Variants in TMEM108 observed in about 807,000 individuals in gnomAD.
TMEM108 encodes transmembrane protein 108.
In TMEM108, 12 loss-of-function variants were observed where a neutral mutation model predicts 35.1. The observed-to-expected ratio is 0.34, with a 90% CI of 0.22 to 0.55. TMEM108 has a LOEUF of 0.55. Ranked by LOEUF, TMEM108 falls within the 20% of genes least tolerant of loss-of-function variation. The pLI is 0.89. For missense variants in TMEM108, 680 were observed against 753.3 expected, an observed-to-expected ratio of 0.90 and a Z score of 1.14; for synonymous variants, 287 against 308.6, an observed-to-expected ratio of 0.93 and a Z score of 0.73.
At chr3:133,107,563 G>T (rs1451689403) in intron 2 of TMEM108, among the ~76,000 whole-genome samples, 1 of 151,794 alleles carries the variant, frequency 6.6e-6, no homozygotes, top group East Asian at 1.9e-4. Context: ...GAAAAATTCT[G>T]ATCTTGAGCC....
At chr3:133,253,048 G>A (rs1946493982) in intron 3 of TMEM108, among the ~76,000 whole-genome samples, 1 of 152,186 alleles carries the variant, frequency 6.6e-6, no homozygotes, top group African/African-American at 2.4e-5. Context: ...ACAAGAGGAT[G>A]TGTGTAGGTT....
At chr3:133,099,133 C>G (rs550630576) in intron 2 of TMEM108, among the ~76,000 whole-genome samples, 1 of 152,228 alleles carries the variant, frequency 6.6e-6, no homozygotes, top group South Asian at 2.1e-4. Flanking sequence ...CAGAGGTTCC[C>G]AAACCTTAAT....
chr3:133,298,697 G>A (rs1049029513), intron 3 of TMEM108, among the ~76,000 whole-genome samples: 1 of 152,046 alleles, frequency 6.6e-6, no homozygotes, highest in African/African-American at 2.4e-5. Flanking sequence ...CATGTTACAG[G>A]TGAGGAAACC....
At chr3:133,325,718 A>AT (rs1441700725) in intron 3 of TMEM108, among the ~76,000 whole-genome samples, 3 of 149,944 alleles carry the variant, frequency 2.0e-5, no homozygotes, top group Non-Finnish European at 4.4e-5. Flanking sequence ...AATAAAAATA[A>AT]TATATATAAA....
intron 3 of TMEM108, chr3:133,378,616 C>T: frequency 1.1e-6 from 1 of 893,642 alleles, no homozygotes; most frequent in Non-Finnish European, 1.3e-6. Context: ...CAGGCTCTTC[C>T]CAACCCATGT....
At chr3:133,241,016 A>G (rs372008645) in intron 3 of TMEM108, among the ~76,000 whole-genome samples, 1 of 152,232 alleles carries the variant, frequency 6.6e-6, no homozygotes, top group Non-Finnish European at 1.5e-5. Context: ...ATTAATACAC[A>G]TAAACCTCAT....
Position 133,281,864 on chromosome 3 carries a change from T to C in TMEM108, c.40+52513T>C, listed in dbSNP as rs547713722. On this transcript the variant is annotated intron_variant, in intron 3 of 5. Coordinates refer to ENST00000321871, the MANE Select transcript of TMEM108 (RefSeq NM_023943.4). ...GCACATGATGGCTTATCCCAAAAGA[T>C]AGACAAGGACAGGCTGGGCTTGGTG... Among the ~76,000 whole-genome samples the C allele has an allele frequency of 4.4e-4, 67 of 152,220 alleles. 1 individual carries two copies. The highest frequency in any genetic ancestry group is 3.4e-3 in the Middle Eastern group (1 of 294).
At position 133,237,046 on chromosome 3, in the gene TMEM108, A is replaced by G. The variant is rs1225910848; in HGVS notation, c.40+7695A>G. ...GTGATTTGGTATTGTTTTAAACAGCATTGAGTACAGTAGTTTAAAGAGGTA... is the reference window on the plus strand; with the variant it reads ...GTGATTTGGTATTGTTTTAAACAGCGTTGAGTACAGTAGTTTAAAGAGGTA... On this transcript the variant is annotated intron_variant, in intron 3 of 5. Coordinates refer to ENST00000321871, the MANE Select transcript of TMEM108 (RefSeq NM_023943.4). Among the ~76,000 whole-genome samples, 3 of 152,138 alleles carry G rather than the reference A, an allele frequency of 2.0e-5. No homozygotes were observed. In the East Asian group the frequency reaches 5.8e-4, roughly 29 times the overall value.
Position 133,193,095 on chromosome 3 carries a change from T to C in TMEM108, c.-46-36171T>C, listed in dbSNP as rs557888109. Among the ~76,000 whole-genome samples, 7 of 152,282 alleles carry C rather than the reference T, an allele frequency of 4.6e-5. 1 individual carries two copies. The Middle Eastern group carries it at 0.014, about 296-fold the overall frequency. On this transcript the variant is annotated intron_variant, in intron 2 of 5. Coordinates refer to ENST00000321871, the MANE Select transcript of TMEM108 (RefSeq NM_023943.4). The stretch of plus-strand genomic sequence containing the variant: ...AAGGCTCTAGAAAGAATTTGAGCAT[T>C]GCTTTACAAAGCAACATTTCCTTTT...
At chr3:133,191,216 TAGAG>T (rs1440729750) in intron 2 of TMEM108, among the ~76,000 whole-genome samples, 2 of 152,076 alleles carry the variant, frequency 1.3e-5, no homozygotes, top group African/African-American at 4.8e-5. Flanking sequence ...GAAAAATACA[TAGAG>T]GGAGGCAGAC....
chr3:133,051,715 T>G (rs941981474), intron 2 of TMEM108, among the ~76,000 whole-genome samples: 5 of 152,166 alleles, frequency 3.3e-5, no homozygotes, highest in African/African-American at 4.8e-5. Context: ...GTGTCTAGAT[T>G]AATATATTTT....
chr3:133,279,417 T>C (rs1315175647), intron 3 of TMEM108, among the ~76,000 whole-genome samples: 1 of 152,214 alleles, frequency 6.6e-6, no homozygotes, highest in Non-Finnish European at 1.5e-5. Context: ...TAGGACAGCC[T>C]GTCCGGTCTC....
chr3:133,118,513 T>G, intron 2 of TMEM108, among the ~76,000 whole-genome samples: 1 of 152,338 alleles, frequency 6.6e-6, no homozygotes, highest in Non-Finnish European at 1.5e-5. Flanking sequence ...CTCTCATTTA[T>G]CCTTACAAGC....
chr3:133,067,169 A>T (rs1414291982), intron 2 of TMEM108, among the ~76,000 whole-genome samples: 1 of 152,094 alleles, frequency 6.6e-6, no homozygotes, highest in African/African-American at 2.4e-5. Flanking sequence ...TTGTTGTGTC[A>T]TGGGGATAAT....
At chr3:133,343,844 A>G (rs1354943123) in intron 3 of TMEM108, among the ~76,000 whole-genome samples, 1 of 151,934 alleles carries the variant, frequency 6.6e-6, no homozygotes. Context: ...AAAAAAATCA[A>G]CTAGATTTGA....
intron 2 of TMEM108, among the ~76,000 whole-genome samples, chr3:133,087,596 TA>T (rs917903961): frequency 2.0e-5 from 3 of 152,194 alleles, no homozygotes; most frequent in African/African-American, 7.2e-5. Flanking sequence ...TGGGAACAGA[TA>T]AGGGAAGTTT....
At chr3:133,281,215 G>A (rs187180275) in intron 3 of TMEM108, among the ~76,000 whole-genome samples, 128 of 152,314 alleles carry the variant, frequency 8.4e-4, no homozygotes, top group African/African-American at 3.1e-3. Context: ...AAAAAAGAGA[G>A]GATGGGAATC....
intron 2 of TMEM108, among the ~76,000 whole-genome samples, chr3:133,125,342 C>G (rs1471320402): frequency 6.6e-6 from 1 of 152,174 alleles, no homozygotes; most frequent in East Asian, 1.9e-4. Context: ...GCTTTACTGC[C>G]GCATTAACAA....
chr3:133,212,922 A>G (rs1370748620), intron 2 of TMEM108, among the ~76,000 whole-genome samples: 1 of 151,606 alleles, frequency 6.6e-6, no homozygotes, highest in African/African-American at 2.4e-5. Context: ...AAAATGAGAG[A>G]GAACAACTGT....
Sources: gnomAD v4.1 joint callset for allele counts (sites outside exome capture counted in the v4.1 genomes callset) on GRCh38, gnomAD v4.1.1 for gene constraint, MANE v1.5 for transcripts, NCBI Gene and HGNC (gene_info 2026-07-23, HGNC 2026-07-21) for gene names.